The following FSTL4 variants were observed in gnomAD, a reference collection of about 807,000 sequenced individuals.
FSTL4 encodes the protein follistatin like 4, also known as follistatin-related protein 4.
A neutral mutation model predicts 78.2 loss-of-function variants in FSTL4; 28 were observed. The ratio of observed to expected loss-of-function variants is 0.36; its 90% CI spans 0.27 to 0.49. The LOEUF (loss-of-function observed/expected upper bound fraction) is 0.49. FSTL4 is among the 20% of genes least tolerant of loss of function. The pLI, the probability that FSTL4 is intolerant of heterozygous loss-of-function variation, is 0.98. For missense variants in FSTL4, 922 were observed against 1,084.9 expected, an observed-to-expected ratio of 0.85 and a Z score of 2.11; for synonymous variants, 422 against 440.5, an observed-to-expected ratio of 0.96 and a Z score of 0.53.
At chr5:133,476,517 G>A (rs1428471387) in intron 3 of FSTL4, among the ~76,000 whole-genome samples, 1 of 152,208 alleles carries the variant, frequency 6.6e-6, no homozygotes, top group African/African-American at 2.4e-5. Context: ...TTAAGCAGGT[G>A]TAAATATTCA....
intron 4 of FSTL4, among the ~76,000 whole-genome samples, chr5:133,375,754 T>C (rs183879593): frequency 8.5e-4 from 129 of 152,316 alleles, no homozygotes; most frequent in Non-Finnish European, 1.4e-3. Context: ...TTCTGTCACA[T>C]TGGGATCAGT....
the FSTL4 span, among the ~76,000 whole-genome samples, chr5:133,822,056 ACT>A: frequency 6.6e-6 from 1 of 152,186 alleles, no homozygotes; most frequent in Non-Finnish European, 1.5e-5. Context: ...TGCCTCCAAG[ACT>A]CTGCATTGCA....
At chr5:133,661,237 G>A in the FSTL4 span, among the ~76,000 whole-genome samples, 279 of 152,300 alleles carry the variant, frequency 1.8e-3, 3 homozygotes, top group African/African-American at 6.4e-3. Flanking sequence ...TGATCCGCCC[G>A]CCTCAGCCTC....
chr5:133,393,411 C>G (rs1755907405), intron 4 of FSTL4, among the ~76,000 whole-genome samples: 1 of 152,154 alleles, frequency 6.6e-6, no homozygotes, highest in South Asian at 2.1e-4. Context: ...AGCCTTAGCA[C>G]CAAGTGGGCA....
intron 6 of FSTL4, among the ~76,000 whole-genome samples, chr5:133,304,636 TG>T (rs2126881057): frequency 6.6e-6 from 1 of 152,354 alleles, no homozygotes; most frequent in South Asian, 2.1e-4. Context: ...TGGAAAGTGC[TG>T]GAAGACTCAG....
intron 3 of FSTL4, among the ~76,000 whole-genome samples, chr5:133,543,264 C>T (rs1759512484): frequency 6.6e-6 from 1 of 152,074 alleles, no homozygotes; most frequent in Non-Finnish European, 1.5e-5. Context: ...GTTGCTCAGG[C>T]TTGTCTCCAA....
At chr5:133,305,862 C>T (rs762979762) in intron 6 of FSTL4, among the ~76,000 whole-genome samples, 1 of 152,246 alleles carries the variant, frequency 6.6e-6, no homozygotes, top group African/African-American at 2.4e-5. Flanking sequence ...CTGCCTCTTC[C>T]ATGCCACTCC....
intron 4 of FSTL4, among the ~76,000 whole-genome samples, chr5:133,320,774 G>A (rs940755041): frequency 1.3e-5 from 2 of 152,142 alleles, no homozygotes; most frequent in Admixed American, 1.3e-4. Flanking sequence ...TTGGGAGGCC[G>A]AGGCGGGCGG....
In FSTL4 at chr5:133,198,539, C is replaced by CAGTA. The variant is rs1192116149; in HGVS notation, c.*552_*555dup. The CAGTA allele has an allele frequency of 2.0e-5, 3 of 152,760 alleles. No homozygotes were observed. Among genetic ancestry groups the CAGTA allele is most frequent in the East Asian group, 1.9e-4 (1 of 5,176 alleles). 9.5% of individuals were successfully genotyped at this position (152,760 alleles called of 1,614,324 possible). ...AGTGATTTCCCCATCCCCCAAGATGCAGTAAGTCTTGTTGGCTCTCCCTCA... is the reference window on the plus strand; with the variant it reads ...AGTGATTTCCCCATCCCCCAAGATGCAGTAAGTAAGTCTTGTTGGCTCTCCCTCA... On this transcript the variant is annotated 3_prime_UTR_variant, in exon 16 of 16. Transcript: ENST00000265342.
Position 133,225,136 on chromosome 5 carries a change from G to T in FSTL4, c.1312+14C>A. 1 of 1,614,104 alleles carries T rather than the reference G, an allele frequency of 6.2e-7. No homozygotes were observed. Among genetic ancestry groups the T allele is most frequent in the Non-Finnish European group, 8.5e-7 (1 of 1,179,996 alleles). ...AGCCAGCTCAGTGAGAAGCATAAACGCGTGTCGACTTACGGGTCTTTCTAG... is the reference window on the plus strand; with the variant it reads ...AGCCAGCTCAGTGAGAAGCATAAACTCGTGTCGACTTACGGGTCTTTCTAG... On this transcript the variant is annotated intron_variant, in intron 10 of 15. Coordinates refer to ENST00000265342, the MANE Select transcript of FSTL4 (RefSeq NM_015082.2). This position sits in a 1 kb window ranked among gnomAD's most constrained non-coding sequence, Gnocchi z 4.6.
At chr5:133,200,660 C>G (rs925170594) in intron 15 of FSTL4, among the ~76,000 whole-genome samples, 1 of 152,222 alleles carries the variant, frequency 6.6e-6, no homozygotes, top group Admixed American at 6.5e-5. Flanking sequence ...TATGGAAAAG[C>G]CTGACTCCAG....
intron 8 of FSTL4, among the ~76,000 whole-genome samples, chr5:133,229,090 A>G (rs2126798781): frequency 6.6e-6 from 1 of 152,384 alleles, no homozygotes; most frequent in South Asian, 2.1e-4. Context: ...TCAATGAAGA[A>G]AACAATATAA....
chr5:133,397,699 T>A (rs190077441), intron 4 of FSTL4, among the ~76,000 whole-genome samples: 1 of 152,232 alleles, frequency 6.6e-6, no homozygotes, highest in African/African-American at 2.4e-5. Context: ...TGTAGCAGCT[T>A]AGCCCAGCAC....
At chr5:133,680,255 GGCCCTGTGCT>G in the FSTL4 span, among the ~76,000 whole-genome samples, 1 of 152,080 alleles carries the variant, frequency 6.6e-6, no homozygotes, top group Non-Finnish European at 1.5e-5. Flanking sequence ...CCTACTATGA[GGCCCTGTGCT>G]GAATTCTGGA....
chr5:133,519,582 C>A (rs554643803), intron 3 of FSTL4, among the ~76,000 whole-genome samples: 1 of 152,228 alleles, frequency 6.6e-6, no homozygotes. Context: ...TCAGCCTTTC[C>A]GAGAAGGGCA....
the FSTL4 span, among the ~76,000 whole-genome samples, chr5:133,751,283 G>A: frequency 6.6e-6 from 1 of 152,180 alleles, no homozygotes. Context: ...CAGGCCTTTC[G>A]GGCTAAGAAC....
the FSTL4 span, among the ~76,000 whole-genome samples, chr5:133,651,368 T>G: frequency 2.0e-5 from 3 of 152,058 alleles, no homozygotes; most frequent in Non-Finnish European, 4.4e-5. Flanking sequence ...AGCTATAGGG[T>G]TTTTTTGTGG....
intron 3 of FSTL4, among the ~76,000 whole-genome samples, chr5:133,412,608 A>G (rs896060819): frequency 6.6e-6 from 1 of 152,208 alleles, no homozygotes; most frequent in Non-Finnish European, 1.5e-5. Context: ...TTATCGTACA[A>G]CAAACGGATG....
chr5:133,319,499 C>T (rs1753995166), intron 4 of FSTL4, among the ~76,000 whole-genome samples: 3 of 152,140 alleles, frequency 2.0e-5, no homozygotes, highest in African/African-American at 2.4e-5. Context: ...GAAGAGCAGG[C>T]CAGGAGCAGG....
Sources: gnomAD v4.1 joint callset for allele counts (sites outside exome capture counted in the v4.1 genomes callset) on GRCh38, gnomAD v4.1.1 for gene constraint, Gnocchi (gnomAD v3.1) non-coding constraint, MANE v1.5 for transcripts, NCBI Gene and HGNC (gene_info 2026-07-23, HGNC 2026-07-21) for gene names.